Variants in SRP19 observed in about 807,000 individuals in gnomAD.
SRP19 encodes signal recognition particle 19.
Under a neutral mutation model 22.4 loss-of-function variants are expected in SRP19, and 11 were observed. The observed-to-expected ratio is 0.49, with a 90% CI of 0.31 to 0.81. SRP19 has a LOEUF of 0.81. Among genes scored for constraint, SRP19 ranks in the 40% least tolerant of loss-of-function variants. SRP19 has a pLI of 0.05. For missense variants in SRP19, 168 were observed against 175.9 expected (o/e 0.96, Z 0.25); for synonymous variants, 61 against 57.6 (o/e 1.06, Z -0.27).
chr5:112,889,998 TG>T (rs1300959432), intron 4 of SRP19, among the ~76,000 whole-genome samples: 1 of 150,434 alleles, frequency 6.6e-6, no homozygotes, highest in East Asian at 2.0e-4. Context: ...AGCTAATTTT[TG>T]TATTTTTAGT....
intron 4 of SRP19, chr5:112,877,102 T>C (rs1174131771): frequency 2.0e-5 from 3 of 152,150 alleles, no homozygotes; most frequent in Non-Finnish European, 2.9e-5. Flanking sequence ...CCAAGAACAA[T>C]TTTGTTTGCT....
At chr5:112,873,271 C>CTTTTTTTTTTTTTTTTTTTT (rs35379154), downstream of SRP19, among the ~76,000 whole-genome samples, 1 of 50,720 alleles carries the variant, frequency 2.0e-5, no homozygotes, top group African/African-American at 8.7e-5. Flanking sequence ...CTCAGGTTTT[C>CTTTTTTTTTTTTTTTTTTTT]TTTTTTTTTT....
intron 2 of SRP19, among the ~76,000 whole-genome samples, chr5:112,863,795 G>A (rs554559328): frequency 5.9e-4 from 90 of 152,228 alleles, no homozygotes; most frequent in Non-Finnish European, 8.7e-4. Context: ...CTTCTGAGTA[G>A]CTGGGACTAC....
chr5:112,890,139 T>G (rs371579670), intron 4 of SRP19, among the ~76,000 whole-genome samples: 1 of 149,926 alleles, frequency 6.7e-6, no homozygotes, highest in Admixed American at 6.7e-5. Context: ...AAAAAATAAA[T>G]TTAAAATTAG....
chr5:112,878,915 T>A, intron 4 of SRP19: 1 of 1,606,202 alleles, frequency 6.2e-7, no homozygotes, highest in Non-Finnish European at 8.5e-7. Context: ...TTGTGCCTAA[T>A]GTAGCTACTA....
chr5:112,897,113 TACTC>T (rs1481409005), downstream of SRP19: 1 of 151,902 alleles, frequency 6.6e-6, no homozygotes, highest in African/African-American at 2.4e-5. Context: ...CATGAGAAAA[TACTC>T]AGAATACTGT....
downstream of SRP19, among the ~76,000 whole-genome samples, chr5:112,871,928 C>T (rs1044971952): frequency 6.6e-6 from 1 of 152,230 alleles, no homozygotes. Flanking sequence ...AAGTGCTTTT[C>T]GTATTTATGA....
intron 4 of SRP19, chr5:112,878,618 A>G: frequency 6.1e-6 from 6 of 982,026 alleles, no homozygotes; most frequent in East Asian, 2.6e-5. Flanking sequence ...CCCTATATAT[A>G]TAGACAGTAA....
intron 2 of SRP19, among the ~76,000 whole-genome samples, chr5:112,864,036 T>G (rs574598439): frequency 6.6e-6 from 1 of 152,352 alleles, no homozygotes; most frequent in South Asian, 2.1e-4. Flanking sequence ...TTTGCTTTTT[T>G]GTAGAACGCA....
At chr5:112,891,723 G>A (rs1460338094) in exon 5 of SRP19, 1 of 1,613,906 alleles carries the variant, frequency 6.2e-7, no homozygotes, top group Admixed American at 1.7e-5. Flanking sequence ...GGGCCGCCCT[G>A]AAGAAGGAGA....
intron 4 of SRP19, among the ~76,000 whole-genome samples, chr5:112,886,586 A>G (rs1304675935): frequency 6.6e-6 from 1 of 152,264 alleles, no homozygotes; most frequent in Non-Finnish European, 1.5e-5. Flanking sequence ...AAAATTATAG[A>G]AATTTACTAC....
At chr5:112,877,500 C>T (rs897082442) in intron 4 of SRP19, 17 of 152,114 alleles carry the variant, frequency 1.1e-4, no homozygotes, top group African/African-American at 4.1e-4. Flanking sequence ...CTGTTCTGTA[C>T]TTACTATGTA....
chr5:112,874,408 G>A (rs1767849237), downstream of SRP19, among the ~76,000 whole-genome samples: 1 of 152,100 alleles, frequency 6.6e-6, no homozygotes, highest in African/African-American at 2.4e-5. Flanking sequence ...TCTCAACCCT[G>A]GCTCCATACT....
intron 4 of SRP19, 153 bp from the exon 5 acceptor site, chr5:112,867,251 C>G (rs1164767551): frequency 2.6e-5 from 20 of 766,516 alleles, no homozygotes; most frequent in Non-Finnish European, 3.4e-5. Flanking sequence ...TTGAGCTAGT[C>G]AGTGTCTTCA....
intron 4 of SRP19, among the ~76,000 whole-genome samples, chr5:112,888,999 G>A (rs1479404597): frequency 6.6e-6 from 1 of 150,918 alleles, no homozygotes; most frequent in Non-Finnish European, 1.5e-5. Context: ...TTTATAAGGA[G>A]TTTCCCCTTT....
intron 4 of SRP19, among the ~76,000 whole-genome samples, chr5:112,888,622 G>T (rs1768337374): frequency 6.6e-6 from 1 of 151,344 alleles, no homozygotes; most frequent in African/African-American, 2.4e-5. Flanking sequence ...AGAGACAAGT[G>T]TCACAATGTT....
At chr5:112,881,267 G>T (rs1379741870) in intron 4 of SRP19, among the ~76,000 whole-genome samples, 1 of 152,164 alleles carries the variant, frequency 6.6e-6, no homozygotes, top group East Asian at 1.9e-4. Context: ...AGAGAGGTCT[G>T]TGAGGGAGAA....
intron 4 of SRP19, chr5:112,878,958 G>A (rs17135100): frequency 0.015 from 21,777 of 1,470,106 alleles, 887 homozygotes; most frequent in East Asian, 0.15. Flanking sequence ...ATGTTCAGGT[G>A]CGATCATGTT....
At chr5:112,874,656 T>C (rs1479583090), downstream of SRP19, among the ~76,000 whole-genome samples, 2 of 152,130 alleles carry the variant, frequency 1.3e-5, no homozygotes, top group Non-Finnish European at 2.9e-5. Flanking sequence ...CCGGGCTGTT[T>C]AATAATGAAG....
Sources: allele counts gnomAD v4.1 joint callset (sites outside exome capture counted in the v4.1 genomes callset), GRCh38; gene constraint gnomAD v4.1.1; transcripts MANE v1.5; gene names NCBI Gene and HGNC (gene_info 2026-07-23, HGNC 2026-07-21).